EIF3B: variants seen among roughly 807,000 people sequenced by gnomAD.
The protein encoded by EIF3B is eukaryotic translation initiation factor 3 subunit 9.
A neutral mutation model predicts 104.6 loss-of-function variants in EIF3B; 10 were observed. The observed-to-expected ratio is 0.10, with a 90% CI of 0.06 to 0.16. The LOEUF (loss-of-function observed/expected upper bound fraction) is 0.16, where lower values mean the gene tolerates loss of function less well. Ranked by LOEUF, EIF3B falls within the 10% of genes least tolerant of loss-of-function variation. The probability of loss-of-function intolerance (pLI) is 1.00; values close to 1 mark genes in which losing one functional copy is unlikely to be tolerated. For synonymous variants in EIF3B, 542 were observed against 417.2 expected, an observed-to-expected ratio of 1.30 and a Z score of -3.65; for missense variants, 1,014 against 1,087.9, an observed-to-expected ratio of 0.93 and a Z score of 0.96.
chr7:2,354,908 G>T lies in EIF3B; in HGVS notation c.-14G>T. On this transcript the variant is annotated 5_prime_UTR_variant, in exon 1 of 19. Coordinates refer to ENST00000360876, the MANE Select transcript of EIF3B (RefSeq NM_001037283.2). ...GGCGGCCGCGGAGCCCTGCGAGTAG[G>T]CAGCGTTGGGCCCATGCAGGACGCG... 8.4e-7 allele frequency: 1 copy of T among 1,187,780 alleles called. No homozygotes were observed. The highest frequency in any genetic ancestry group is 1.0e-6 in the Non-Finnish European group (1 of 958,358). The allele number at this position is 1,187,780 out of a possible 1,614,324, so 73.6% of individuals were successfully genotyped here. A position where few individuals can be genotyped will look rare whatever the true frequency, so the allele number is the denominator to read the frequency against.
chr7:2,374,747 C>T (rs1002008716), intron 13 of EIF3B, 141 bp downstream of exon 13: 5 of 714,742 alleles, frequency 7.0e-6, no homozygotes, highest in Admixed American at 2.8e-5. Context: ...GTGGATAGGA[C>T]TTCATTGAAC....
chr7:2,362,597 G>T, intron 2 of EIF3B, 48 bp from the exon 3 acceptor site: 1 of 1,611,304 alleles, frequency 6.2e-7, no homozygotes, highest in South Asian at 1.1e-5. Context: ...GCGCATACCT[G>T]CCTAGCCTTA....
chr7:2,374,916 C>T lies in EIF3B; in HGVS notation c.1889+310C>T, dbSNP rs1444914174. On this transcript the variant is annotated intron_variant, in intron 13 of 18. Transcript: ENST00000360876. ...TTCCAGCCATCCAGTAACCTCCCCCCGGGGGTCAGTCCCTTGTCTTCTAGT... is the reference window on the plus strand; with the variant it reads ...TTCCAGCCATCCAGTAACCTCCCCCTGGGGGTCAGTCCCTTGTCTTCTAGT... 2.7e-4 allele frequency: 89 copies of T among 325,546 alleles called. 1 individual carries two copies. In the East Asian group the frequency reaches 3.4e-3, roughly 12 times the overall value. The allele number at this position is 325,546 out of a possible 1,614,324, so 20.2% of individuals were successfully genotyped here.
chr7:2,374,780 A>G (rs1780545846), intron 13 of EIF3B, 174 bp downstream of exon 13: 1 of 578,236 alleles, frequency 1.7e-6, no homozygotes, highest in Admixed American at 3.0e-5. Context: ...ACGGTACTCC[A>G]GGACTCAGGC....
At chr7:2,358,834 C>T (rs1422253154) in intron 1 of EIF3B, among the ~76,000 whole-genome samples, 1 of 152,174 alleles carries the variant, frequency 6.6e-6, no homozygotes, top group African/African-American at 2.4e-5. Flanking sequence ...TGGCCGTGTT[C>T]TAAATTCTGA....
chr7:2,357,253 G>A (rs969746436), intron 1 of EIF3B, among the ~76,000 whole-genome samples: 5 of 152,150 alleles, frequency 3.3e-5, no homozygotes, highest in Non-Finnish European at 7.4e-5. Flanking sequence ...GCTGGGTGAC[G>A]GCTGTGGGTC....
chr7:2,373,049 A>G (rs1292246409), intron 12 of EIF3B: 1 of 329,004 alleles, frequency 3.0e-6, no homozygotes, highest in Non-Finnish European at 5.5e-6. Context: ...ATTCTCTGCC[A>G]TCATCTCAAG....
At chr7:2,368,888 A>T (rs1006761870) in intron 9 of EIF3B, among the ~76,000 whole-genome samples, 1 of 152,228 alleles carries the variant, frequency 6.6e-6, no homozygotes, top group South Asian at 2.1e-4. Flanking sequence ...ATTATGGCTT[A>T]TAAAATGAAA....
intron 18 of EIF3B, 100 bp downstream of exon 18, chr7:2,379,611 A>C: frequency 1.3e-6 from 1 of 775,038 alleles, no homozygotes; most frequent in Non-Finnish European, 2.2e-6. Flanking sequence ...GGCAGGGGTG[A>C]AGGGTGAAGC....
rs1393115926 is a variant in EIF3B at position 2,367,059 on chromosome 7, T to A, written c.1403+14T>A. On this transcript the variant is annotated intron_variant, in intron 9 of 18. Transcript: ENST00000360876. ...CTCTGGGATAAAGTGAGTATTCTTA[T>A]CAGTTTGGTGTCTTAGTGTGTTCAG... The A allele has an allele frequency of 6.2e-7, 1 of 1,607,852 alleles. No individual in the cohort carries two copies. Among genetic ancestry groups the A allele is most frequent in the Admixed American group, 1.7e-5 (1 of 59,602 alleles).
intron 11 of EIF3B, 80 bp from the exon 12 acceptor site, chr7:2,372,593 A>T: frequency 6.6e-7 from 1 of 1,521,054 alleles, no homozygotes. Flanking sequence ...TCTGTGGTTG[A>T]ATAGTGAACA....
chr7:2,363,902 T>C (rs976588839), intron 5 of EIF3B, 142 bp downstream of exon 5: 18 of 967,556 alleles, frequency 1.9e-5, no homozygotes, highest in African/African-American at 6.6e-5. Flanking sequence ...ACAACTTCTT[T>C]TATTCCTCTT....
chr7:2,380,504 C>G lies in EIF3B; in HGVS notation c.*315C>G. On this transcript the variant is annotated 3_prime_UTR_variant, in exon 19 of 19. Coordinates refer to ENST00000360876, the MANE Select transcript of EIF3B (RefSeq NM_001037283.2). ...CTGTTGGAACCGCCGGCGTTGGCTC[C>G]GAAGACTTAGCGACGCCACTGGCGG... The G allele has an allele frequency of 2.1e-6, 1 of 469,902 alleles. No homozygotes were observed. Among genetic ancestry groups the G allele is most frequent in the Middle Eastern group, 3.5e-4 (1 of 2,890 alleles). The allele number at this position is 469,902 out of a possible 1,614,324, so 29.1% of individuals were successfully genotyped here. A position where few individuals can be genotyped will look rare whatever the true frequency, so the allele number is the denominator to read the frequency against.
At position 2,354,828 on chromosome 7, in the gene EIF3B, T is replaced by C. The variant is rs1169706851; in HGVS notation, c.-94T>C. 4.0e-5 allele frequency: 41 copies of C among 1,026,582 alleles called. 1 individual carries two copies. The highest frequency in any genetic ancestry group is 8.8e-5 in the South Asian group (2 of 22,740). 63.6% of individuals were successfully genotyped at this position (1,026,582 alleles called of 1,614,324 possible). On this transcript the variant is annotated 5_prime_UTR_variant, in exon 1 of 19. An upstream start codon of the reference 5' UTR is lost. Transcript: ENST00000360876. ...GTGCGGCCTCCCCGTCGCACGCACA[T>C]GGCTGGGCTGTAGCCGTCGCGGCGC... is the stretch of plus-strand genomic sequence containing the variant.
In EIF3B at chr7:2,360,671, T is replaced by C. The variant is rs953770; in HGVS notation, c.500-39T>C. The C allele has an allele frequency of 0.52, 783,234 of 1,514,340 alleles. 207,649 individuals carry two copies. The highest frequency in any genetic ancestry group is 0.75 in the East Asian group (32,655 of 43,610). 93.8% of individuals were successfully genotyped at this position (1,514,340 alleles called of 1,614,324 possible). On this transcript the variant is annotated intron_variant, in intron 1 of 18. Coordinates refer to ENST00000360876, the MANE Select transcript of EIF3B (RefSeq NM_001037283.2). Reference sequence around the variant, plus strand: ...CTCAGTTAATGTATTAATGTTTTTCTTGGTAAAAATGATCATTTGAAAAAT... The same window carrying C: ...CTCAGTTAATGTATTAATGTTTTTCCTGGTAAAAATGATCATTTGAAAAAT...
chr7:2,365,534 C>G (rs1252198536), intron 6 of EIF3B, among the ~76,000 whole-genome samples: 3 of 152,186 alleles, frequency 2.0e-5, no homozygotes, highest in African/African-American at 7.2e-5. Flanking sequence ...ACTGAGTAAG[C>G]AGGTGCAGTA....
chr7:2,378,363 G>C, intron 15 of EIF3B: 1 of 293,258 alleles, frequency 3.4e-6, no homozygotes, highest in Non-Finnish European at 6.2e-6. Flanking sequence ...CATGGAGGAA[G>C]GAACAGGCGA....
chr7:2,354,856 G>T lies in EIF3B; in HGVS notation c.-66G>T. 1.9e-6 allele frequency: 2 copies of T among 1,075,808 alleles called. No homozygotes were observed. Among genetic ancestry groups the T allele is most frequent in the Non-Finnish European group, 2.3e-6 (2 of 887,928 alleles). The allele number at this position is 1,075,808 out of a possible 1,614,324, so 66.6% of individuals were successfully genotyped here. A position where few individuals can be genotyped will look rare whatever the true frequency, so the allele number is the denominator to read the frequency against. On this transcript the variant is annotated 5_prime_UTR_variant, in exon 1 of 19. Transcript: ENST00000360876. ...CTGGGCTGTAGCCGTCGCGGCGCGC[G>T]GTGCGGCCTGGGAGAGTCGGAAGCG...
intron 15 of EIF3B, 111 bp from the exon 16 acceptor site, chr7:2,378,578 C>G: frequency 1.1e-6 from 1 of 901,026 alleles, no homozygotes; most frequent in Non-Finnish European, 1.8e-6. Context: ...TCCTGGGAAG[C>G]TGTGTTCTGT....
Sources: gnomAD v4.1 joint callset for allele counts (sites outside exome capture counted in the v4.1 genomes callset) on GRCh38, gnomAD v4.1.1 for gene constraint, MANE v1.5 for transcripts, NCBI Gene and HGNC (gene_info 2026-07-23, HGNC 2026-07-21) for gene names.